ALG3: variants seen among roughly 807,000 people sequenced by gnomAD.
The protein encoded by ALG3 is dol-P-Man:Man(5)GlcNAc(2)-PP-Dol alpha-1,3-mannosyltransferase.
ALG3 carries 39 observed loss-of-function variants against 50.5 expected under a neutral mutation model. The ratio of observed to expected loss-of-function variants is 0.77; its 90% CI spans 0.60 to 1.01. The LOEUF is 1.01. Ranked by LOEUF, ALG3 falls within the 50% of genes least tolerant of loss-of-function variation. The pLI, the probability that ALG3 is intolerant of heterozygous loss-of-function variation, is 0.00. For missense variants in ALG3, 520 were observed against 554.8 expected, an observed-to-expected ratio of 0.94 and a Z score of 0.63; for synonymous variants, 252 against 237.2, an observed-to-expected ratio of 1.06 and a Z score of -0.58.
chr3:184,246,678 TTC>T (rs61598935), intron 1 of ALG3, among the ~76,000 whole-genome samples: 5,031 of 149,770 alleles, frequency 0.034, 222 homozygotes, highest in African/African-American at 0.12. Flanking sequence ...CCAGGCTGTC[TTC>T]TTTTTTTTTT....
intron 1 of ALG3, among the ~76,000 whole-genome samples, chr3:184,247,208 T>C (rs1035680158): frequency 6.6e-6 from 1 of 152,092 alleles, no homozygotes; most frequent in Admixed American, 6.5e-5. Flanking sequence ...CCAGCCAGGC[T>C]GGTCTTTAAC....
At chr3:184,244,104 C>T (rs533402124) in intron 5 of ALG3, 108 bp from the exon 6 acceptor site, 2 of 1,100,802 alleles carry the variant, frequency 1.8e-6, no homozygotes, top group East Asian at 2.5e-5. Context: ...CTCAGAGGTT[C>T]CCCAATTCCC....
intron 5 of ALG3, among the ~76,000 whole-genome samples, 155 bp from the exon 6 acceptor site, chr3:184,244,151 C>T (rs944385400): frequency 1.3e-5 from 2 of 152,226 alleles, no homozygotes; most frequent in African/African-American, 4.8e-5. Flanking sequence ...CCCCACCCCC[C>T]GGCCCAGGCC....
chr3:184,243,139 T>C (rs1361637405), intron 7 of ALG3, 182 bp from the exon 8 acceptor site: 4 of 818,236 alleles, frequency 4.9e-6, no homozygotes, highest in South Asian at 1.7e-5. Context: ...ATGGAGAGAG[T>C]AATACCTAGG....
rs1718864821 is a variant in ALG3 at position 184,242,622 on chromosome 3, G to A, written c.1209C>T (p.Ser403=). 1 of 1,577,396 alleles carries A rather than the reference G, an allele frequency of 6.3e-7. No homozygotes were observed. Among genetic ancestry groups the A allele is most frequent in the Admixed American group, 1.7e-5 (1 of 57,860 alleles). Residue 403 remains serine (S), a synonymous_variant, in exon 9 of 9, where the codon TCC becomes TCT. Transcript: ENST00000397676. ...ELSWNTYPST[S]CSSAALHICH... ...ATATGTGCAGGGCAGCAGAGCTGCA[G>A]GATGTGGAAGGGTATGTGTTCCAGG... is the stretch of plus-strand genomic sequence containing the variant.
chr3:184,244,816 TCC>T, intron 4 of ALG3, 95 bp from the exon 5 acceptor site: 1 of 1,447,888 alleles, frequency 6.9e-7, no homozygotes, highest in Non-Finnish European at 9.2e-7. Context: ...CACAGCAACC[TCC>T]CCCCCGCCGC....
Position 184,245,743 on chromosome 3 carries a change from G to A in ALG3, c.266C>T (p.Thr89Ile). 2.5e-6 allele frequency: 4 copies of A among 1,613,774 alleles called. No homozygotes were observed. The highest frequency in any genetic ancestry group is 3.4e-6 in the Non-Finnish European group (4 of 1,179,756). The change falls in exon 2 of 9, where the codon ACC becomes ATC. Residue 89 changes from threonine (T) to isoleucine (I), a missense_variant. Physicochemically the swap from Thr to Ile is moderately conservative, Grantham distance 89 (BLOSUM62 -1). This residue lies in a region of ALG3 where 290 missense variants were observed against 265.9 expected (regional missense o/e 1.09). Coordinates refer to ENST00000397676, the MANE Select transcript of ALG3 (RefSeq NM_005787.6). ...EGVINGTYDY[T>I]QLQGDTGPLV... is the part of the protein sequence containing the mutation. Reference sequence around the variant, plus strand: ...TGGTCCGGTGTCACCCTGCAGTTGGGTATAGTCATAGGTACCATTGATGAC... The same window carrying A: ...TGGTCCGGTGTCACCCTGCAGTTGGATATAGTCATAGGTACCATTGATGAC...
intron 4 of ALG3, 23 bp downstream of exon 4, chr3:184,245,175 A>C (rs776124618): frequency 1.9e-6 from 3 of 1,613,382 alleles, no homozygotes; most frequent in Non-Finnish European, 2.5e-6. Context: ...ACGAGAGGGG[A>C]CCAGAAAGGA....
chr3:184,246,950 G>A lies in ALG3; in HGVS notation c.197-1138C>T, dbSNP rs1447350720. On this transcript the variant is annotated intron_variant, in intron 1 of 8. Coordinates refer to ENST00000397676, the MANE Select transcript of ALG3 (RefSeq NM_005787.6). ...GACAGGGTCTCGCTCAGCCACCCAGGCTGGAGTGCAGTGGTGCGATCTCAG... is the reference window on the plus strand; with the variant it reads ...GACAGGGTCTCGCTCAGCCACCCAGACTGGAGTGCAGTGGTGCGATCTCAG... 2.6e-5 allele frequency among the ~76,000 whole-genome samples: 4 copies of A among 151,518 alleles called. No individual in the cohort carries two copies. The East Asian group carries it at 7.7e-4, about 29-fold the overall frequency.
At chr3:184,244,374 T>C (rs1287866088) in intron 5 of ALG3, 5 of 571,550 alleles carry the variant, frequency 8.7e-6, no homozygotes, top group Non-Finnish European at 1.2e-5. Flanking sequence ...CAAGAGCCCA[T>C]CTCAAAACTT....
At chr3:184,244,466 G>A (rs774481594) in intron 5 of ALG3, 135 bp downstream of exon 5, 10 of 1,093,768 alleles carry the variant, frequency 9.1e-6, no homozygotes, top group South Asian at 3.3e-5. Flanking sequence ...ACAGCCTAGC[G>A]ATAGTGGCTC....
intron 5 of ALG3, 26 bp downstream of exon 5, chr3:184,244,575 A>G (rs911668831): frequency 1.2e-6 from 2 of 1,600,914 alleles, no homozygotes; most frequent in East Asian, 2.2e-5. Context: ...CCTTGATTAG[A>G]AAGAGGAAGG....
At position 184,243,624 on chromosome 3, in the gene ALG3, C is replaced by A; in HGVS notation, c.939G>T (p.Gly313=). ...LFALCRWHRT[G]ESILSLLRDP... ...CCCTCAGCAGCGACAAGATACTTTC[C>A]CCTGTCCTGGAGAAAAGCCATTCAG... Residue 313 remains glycine (G), a synonymous_variant, in exon 7 of 9, where the codon GGG becomes GGT. Coordinates refer to ENST00000397676, the MANE Select transcript of ALG3 (RefSeq NM_005787.6). 6.2e-7 allele frequency: 1 copy of A among 1,613,886 alleles called. No individual in the cohort carries two copies. Among genetic ancestry groups the A allele is most frequent in the Non-Finnish European group, 8.5e-7 (1 of 1,179,854 alleles).
At chr3:184,244,835 A>C in intron 4 of ALG3, 114 bp from the exon 5 acceptor site, 2 of 1,415,846 alleles carry the variant, frequency 1.4e-6, no homozygotes, top group Non-Finnish European at 9.5e-7. Flanking sequence ...CCGCCACGCC[A>C]ACAAACTCCA....
At chr3:184,244,859 A>G in intron 4 of ALG3, 138 bp from the exon 5 acceptor site, 8 of 1,229,754 alleles carry the variant, frequency 6.5e-6, no homozygotes, top group Non-Finnish European at 7.8e-6. Context: ...TGGGACCTAC[A>G]CTCACAACTG....
In ALG3 at chr3:184,246,200, C is replaced by T. The variant is rs758835699; in HGVS notation, c.197-388G>A. Reference sequence around the variant, plus strand: ...TCTATCTCATCCTTCTCTGCTACTACATACTCAAATTTGAGCCTAAAGTAA... The same window carrying T: ...TCTATCTCATCCTTCTCTGCTACTATATACTCAAATTTGAGCCTAAAGTAA... On this transcript the variant is annotated intron_variant, in intron 1 of 8. Transcript: ENST00000397676. Among the ~76,000 whole-genome samples, 6 of 152,218 alleles carry T rather than the reference C, an allele frequency of 3.9e-5. No homozygotes were observed. In the East Asian group the frequency reaches 1.2e-3, roughly 29 times the overall value.
intron 5 of ALG3, 94 bp downstream of exon 5, chr3:184,244,507 C>A: frequency 1.4e-6 from 2 of 1,467,140 alleles, no homozygotes; most frequent in Admixed American, 2.1e-5. Context: ...AAAACCCTGT[C>A]TCTTGGCTTT....
chr3:184,242,783 C>T (rs1560161895), intron 8 of ALG3, 30 bp downstream of exon 8: 1 of 1,611,816 alleles, frequency 6.2e-7, no homozygotes. Flanking sequence ...CCTATCCCTT[C>T]CCACTCCCCC....
chr3:184,243,341 G>A (rs918028325), intron 7 of ALG3: 3 of 597,428 alleles, frequency 5.0e-6, no homozygotes, highest in East Asian at 2.8e-5. Flanking sequence ...GATAGTACCA[G>A]GGAGAAGTAC....
Sources: gnomAD v4.1 joint callset for allele counts (sites outside exome capture counted in the v4.1 genomes callset) on GRCh38, gnomAD v4.1.1 for gene constraint, gnomAD v4.1.1 regional missense constraint, MANE v1.5 for transcripts, NCBI Gene and HGNC (gene_info 2026-07-23, HGNC 2026-07-21) for gene names.